ENDOD1: variants seen among roughly 807,000 people sequenced by gnomAD.
ENDOD1 encodes the protein endonuclease domain-containing 1 protein.
A neutral mutation model predicts 6.5 loss-of-function variants in ENDOD1; 9 were observed. The observed-to-expected ratio is 1.39, with a 90% CI of 0.84 to 2.43. The LOEUF is 2.43. Among genes scored for constraint, ENDOD1 ranks in the 30% most tolerant of loss-of-function variants. The probability of loss-of-function intolerance (pLI) is 0.00; values close to 1 mark genes in which losing one functional copy is unlikely to be tolerated. For missense variants in ENDOD1, 648 were observed against 635.5 expected (o/e 1.02, Z -0.21); for synonymous variants, 255 against 255.2 (o/e 1.00, Z 0.01).
intron 1 of ENDOD1, among the ~76,000 whole-genome samples, chr11:95,122,449 TC>T (rs1859270761): frequency 6.7e-6 from 1 of 148,396 alleles, no homozygotes; most frequent in Non-Finnish European, 1.5e-5. Flanking sequence ...GGCAGGCTGG[TC>T]TTGAACTCTT....
In ENDOD1 at chr11:95,089,917, C is replaced by T; in HGVS notation, c.-11C>T. 1 of 1,369,426 alleles carries T rather than the reference C, an allele frequency of 7.3e-7. No individual in the cohort carries two copies. Among genetic ancestry groups the T allele is most frequent in the South Asian group, 1.8e-5 (1 of 55,408 alleles). 84.8% of individuals were successfully genotyped at this position (1,369,426 alleles called of 1,614,324 possible). On this transcript the variant is annotated 5_prime_UTR_variant, in exon 1 of 2. Coordinates refer to ENST00000278505, the MANE Select transcript of ENDOD1 (RefSeq NM_015036.3). ...CAGCCGCTCGGCCCCGCCGCGCTCG[C>T]AGAGGCCGCCATGGGCACCGCGCGC...
chr11:95,128,535 C>T lies in ENDOD1; in HGVS notation c.459C>T (p.Val153=). 2 of 1,614,216 alleles carry T rather than the reference C, an allele frequency of 1.2e-6. No homozygotes were observed. The highest frequency in any genetic ancestry group is 1.7e-6 in the Non-Finnish European group (2 of 1,180,030). The change falls in exon 2 of 2, where the codon GTC becomes GTT. Residue 153 remains valine (V), a synonymous_variant. Transcript: ENST00000278505. ...QLYPFSLSSD[V]QVATFTLTNS... ...ACCCATTCTCCCTTAGCAGTGATGT[C>T]CAGGTGGCCACATTTACTCTCACAA...
At position 95,129,221 on chromosome 11, in the gene ENDOD1, C is replaced by T. The variant is rs769766253; in HGVS notation, c.1145C>T (p.Ala382Val). 5 of 1,614,088 alleles carry T rather than the reference C, an allele frequency of 3.1e-6. No homozygotes were observed. The stretch of plus-strand genomic sequence containing the variant: ...AGTTGCCTTTACCGCCTGGGCTCAG[C>T]CACCATCTCATACTTCATGGCCATT... ...IESCLYRLGS[A>V]TISYFMAIGE... Residue 382 changes from alanine (A) to valine (V), a missense_variant, in exon 2 of 2, where the codon GCC becomes GTC. Ala to Val is a moderately conservative substitution (Grantham distance 64, BLOSUM62 0). Transcript: ENST00000278505.
At position 95,092,251 on chromosome 11, in the gene ENDOD1, A is replaced by G. The variant is rs185952274; in HGVS notation, c.300+2024A>G. ...AAGTTGGAACAGGTAAACTAATACAAATAGATGAATGCACTCAATTGCTCA... is the reference window on the plus strand; with the variant it reads ...AAGTTGGAACAGGTAAACTAATACAGATAGATGAATGCACTCAATTGCTCA... On this transcript the variant is annotated intron_variant, in intron 1 of 1. Coordinates refer to ENST00000278505, the MANE Select transcript of ENDOD1 (RefSeq NM_015036.3). Among the ~76,000 whole-genome samples, 70 of 152,252 alleles carry G rather than the reference A, an allele frequency of 4.6e-4. 1 individual carries two copies. The highest frequency in any genetic ancestry group is 1.3e-4 in the Non-Finnish European group (9 of 68,028).
chr11:95,128,437 G>A lies in ENDOD1; in HGVS notation c.361G>A (p.Val121Met). ...AINEAEAITS[V>M]NSLGSKQALN... ...TAATGAGGCAGAGGCCATCACCTCT[G>A]TGAACAGCCTGGGAAGCAAGCAAGC... The change falls in exon 2 of 2, where the codon GTG becomes ATG. Residue 121 changes from valine to methionine, a missense_variant. Val to Met is a conservative substitution (Grantham distance 21). Coordinates refer to ENST00000278505, the MANE Select transcript of ENDOD1 (RefSeq NM_015036.3). 1.2e-6 allele frequency: 2 copies of A among 1,614,200 alleles called. No individual in the cohort carries two copies. Among genetic ancestry groups the A allele is most frequent in the African/African-American group, 1.3e-5 (1 of 75,058 alleles).
Position 95,090,028 on chromosome 11 carries a change from G to A in ENDOD1, c.101G>A (p.Cys34Tyr). ...GAGGAGGAAGCCGGCTTTGGCGAAT[G>A]TGACAAGTTCTTCTACGCCGGGACC... ...VGEEEAGFGE[C>Y]DKFFYAGTPP... The change falls in exon 1 of 2, where the codon TGT becomes TAT. Residue 34 changes from cysteine (C) to tyrosine (Y), a missense_variant. Transcript: ENST00000278505. 2 of 1,594,826 alleles carry A rather than the reference G, an allele frequency of 1.3e-6. No individual in the cohort carries two copies. Among genetic ancestry groups the A allele is most frequent in the East Asian group, 4.6e-5 (2 of 43,244 alleles).
chr11:95,109,835 G>A (rs1859129516), intron 1 of ENDOD1, among the ~76,000 whole-genome samples: 1 of 152,384 alleles, frequency 6.6e-6, no homozygotes, highest in South Asian at 2.1e-4. Context: ...CATCAGCGGT[G>A]CCATTAGCAC....
intron 1 of ENDOD1, among the ~76,000 whole-genome samples, chr11:95,110,923 C>T (rs1346176036): frequency 6.6e-6 from 1 of 152,096 alleles, no homozygotes; most frequent in African/African-American, 2.4e-5. Context: ...CTCCCTTGTC[C>T]CTGTCATGTC....
chr11:95,107,481 T>C (rs1251609384), intron 1 of ENDOD1, among the ~76,000 whole-genome samples: 2 of 152,264 alleles, frequency 1.3e-5, no homozygotes, highest in African/African-American at 4.8e-5. Flanking sequence ...GCCTTCTCAA[T>C]GTAAGGGACT....
In ENDOD1 at chr11:95,129,931, T is replaced by G; in HGVS notation, c.*352T>G. 5.5e-6 allele frequency: 1 copy of G among 181,198 alleles called. No homozygotes were observed. Among genetic ancestry groups the G allele is most frequent in the Non-Finnish European group, 1.2e-5 (1 of 85,996 alleles). 11.2% of individuals were successfully genotyped at this position (181,198 alleles called of 1,614,324 possible). On this transcript the variant is annotated 3_prime_UTR_variant, in exon 2 of 2. Coordinates refer to ENST00000278505, the MANE Select transcript of ENDOD1 (RefSeq NM_015036.3). The stretch of plus-strand genomic sequence containing the variant: ...GGGAAGAACTAGAAAAAGAACAACT[T>G]TAGACCAAAGGTGTCTGAGAAAAGG...
At chr11:95,123,978 A>G (rs145704583) in intron 1 of ENDOD1, among the ~76,000 whole-genome samples, 19 of 152,244 alleles carry the variant, frequency 1.2e-4, no homozygotes, top group Admixed American at 2.0e-4. Context: ...ACCTCTCATG[A>G]TGATAAACTC....
chr11:95,095,047 A>G (rs923222274), intron 1 of ENDOD1, among the ~76,000 whole-genome samples: 30 of 94,064 alleles, frequency 3.2e-4, no homozygotes, highest in African/African-American at 2.1e-3. Flanking sequence ...GTGCACGCAC[A>G]CACACACACA....
chr11:95,123,083 A>G (rs1023219643), intron 1 of ENDOD1, among the ~76,000 whole-genome samples: 8 of 151,944 alleles, frequency 5.3e-5, no homozygotes, highest in African/African-American at 1.9e-4. Context: ...CAGCTACTCC[A>G]GAGGCTGAGG....
intron 1 of ENDOD1, among the ~76,000 whole-genome samples, chr11:95,123,910 G>A (rs1023757216): frequency 1.3e-5 from 2 of 152,004 alleles, no homozygotes; most frequent in African/African-American, 4.8e-5. Context: ...GTCTGGCAGG[G>A]GCAACTTTGA....
intron 1 of ENDOD1, among the ~76,000 whole-genome samples, chr11:95,113,388 A>T (rs183945962): frequency 1.3e-5 from 2 of 152,026 alleles, no homozygotes; most frequent in East Asian, 3.9e-4. Context: ...CCACCTCCCC[A>T]ACACTCCCCA....
intron 1 of ENDOD1, among the ~76,000 whole-genome samples, chr11:95,100,571 C>G (rs1273845952): frequency 1.3e-5 from 2 of 152,148 alleles, no homozygotes; most frequent in Non-Finnish European, 2.9e-5. Context: ...TCACTGCAGC[C>G]TCTGCCTCCT....
At chr11:95,111,199 G>A (rs1480691866) in intron 1 of ENDOD1, among the ~76,000 whole-genome samples, 2 of 152,036 alleles carry the variant, frequency 1.3e-5, no homozygotes, top group African/African-American at 2.4e-5. Context: ...CATAGATTTT[G>A]CAGCCCAGAA....
At chr11:95,126,467 G>C (rs1406121087) in intron 1 of ENDOD1, among the ~76,000 whole-genome samples, 1 of 152,138 alleles carries the variant, frequency 6.6e-6, no homozygotes, top group Non-Finnish European at 1.5e-5. Context: ...GGTACAAGGA[G>C]AGAAACAAGA....
In ENDOD1 at chr11:95,128,420, C is replaced by T. The variant is rs1029143164; in HGVS notation, c.344C>T (p.Ala115Val). ...AACCTTGAGGAGGCGATTAATGAGG[C>T]AGAGGCCATCACCTCTGTGAACAGC... ...NSNLEEAINE[A>V]EAITSVNSLG... Residue 115 changes from alanine to valine, a missense_variant, in exon 2 of 2, where the codon GCA becomes GTA. Transcript: ENST00000278505. 1.2e-6 allele frequency: 2 copies of T among 1,613,974 alleles called. No homozygotes were observed. Among genetic ancestry groups the T allele is most frequent in the Admixed American group, 3.3e-5 (2 of 60,010 alleles).
Sources: gnomAD v4.1 joint callset for allele counts (sites outside exome capture counted in the v4.1 genomes callset) on GRCh38, gnomAD v4.1.1 for gene constraint, MANE v1.5 for transcripts, NCBI Gene and HGNC (gene_info 2026-07-23, HGNC 2026-07-21) for gene names.